SYNE1: variants seen among roughly 807,000 people sequenced by gnomAD.
SYNE1 encodes the protein nesprin-1.
A neutral mutation model predicts 1,111.0 loss-of-function variants in SYNE1; 616 were observed. The observed-to-expected ratio is 0.55, with a 90% CI of 0.52 to 0.59. The LOEUF (loss-of-function observed/expected upper bound fraction) is 0.59. Ranked by LOEUF, SYNE1 falls within the 20% of genes least tolerant of loss-of-function variation. The pLI, the probability that SYNE1 is intolerant of heterozygous loss-of-function variation, is 0.00. For synonymous variants in SYNE1, 3,855 were observed against 3,825.8 expected (o/e 1.01, Z -0.28); for missense variants, 10,006 against 10,417.0 (o/e 0.96, Z 1.72).
At position 152,220,888 on chromosome 6, in the gene SYNE1, T is replaced by C. The variant is rs764715827; in HGVS notation, c.21815A>G (p.Lys7272Arg). 71 of 1,614,026 alleles carry C rather than the reference T, an allele frequency of 4.4e-5. No homozygotes were observed. The highest frequency in any genetic ancestry group is 5.8e-5 in the Non-Finnish European group (68 of 1,179,992). ...GGCAACCTCATCATCGGCAATGTCC[T>C]TGTTTGTGGCTGCCTTCAACAGCTC... is the stretch of plus-strand genomic sequence containing the variant. ...TNELLKAATN[K>R]DIADDEVATW... The change falls in exon 119 of 146, where the codon AAG becomes AGG. Residue 7272 changes from lysine to arginine, a missense_variant. By Grantham distance (26) the Lys-to-Arg change is conservative (BLOSUM62 2). Transcript: ENST00000367255.
intron 126 of SYNE1, among the ~76,000 whole-genome samples, chr6:152,202,380 A>AAAAAAAAAAAAAAGCAAAAAAAG (rs2075677755): frequency 6.7e-6 from 1 of 149,062 alleles, no homozygotes; most frequent in African/African-American, 2.6e-5. Flanking sequence ...GCAAAAAAAA[A>AAAAAAAAAAAAAAGCAAAAAAAG]AAAGAACAAA....
At chr6:152,454,789 T>C (rs1218669224) in intron 24 of SYNE1, among the ~76,000 whole-genome samples, 1 of 152,198 alleles carries the variant, frequency 6.6e-6, no homozygotes, top group Non-Finnish European at 1.5e-5. Context: ...GAATCACAAA[T>C]ACATTGCATA....
At chr6:152,539,682 C>T (rs1381258259) in intron 4 of SYNE1, among the ~76,000 whole-genome samples, 1 of 152,162 alleles carries the variant, frequency 6.6e-6, no homozygotes, top group Admixed American at 6.6e-5. Context: ...ATGACACACA[C>T]ATTAGTATTA....
chr6:152,559,997 T>C (rs997970267), intron 3 of SYNE1, among the ~76,000 whole-genome samples: 6 of 152,062 alleles, frequency 3.9e-5, no homozygotes, highest in Non-Finnish European at 7.4e-5. Flanking sequence ...TATCAACAAA[T>C]TGGATAATCT....
chr6:152,409,799 A>T (rs1420969750), intron 42 of SYNE1, 90 bp from the exon 43 acceptor site: 9 of 1,375,862 alleles, frequency 6.5e-6, no homozygotes, highest in Non-Finnish European at 9.2e-6. Context: ...TTCACTACGT[A>T]AAGGTATTAA....
chr6:152,262,460 T>A (rs187070235), intron 100 of SYNE1, among the ~76,000 whole-genome samples: 101 of 152,302 alleles, frequency 6.6e-4, no homozygotes, highest in African/African-American at 2.4e-3. Context: ...TATAGCACGA[T>A]TACAGACTAG....
rs774251618 is a variant in SYNE1 at position 152,463,516 on chromosome 6, T to A, written c.1934A>T (p.Asp645Val). 6.2e-7 allele frequency: 1 copy of A among 1,611,792 alleles called. No homozygotes were observed. Among genetic ancestry groups the A allele is most frequent in the Non-Finnish European group, 8.5e-7 (1 of 1,178,510 alleles). ...CCAATGAGGTAAATTTCGAAAAAAA[T>A]CCTAAACAATAAATAATGCACAATA... ...MLNQSENAKK[D>V]FFRNLPHWIQ... The change falls in exon 19 of 146, where the codon GAT becomes GTT. Residue 645 changes from aspartate to valine, a missense_variant and splice_region_variant. Transcript: ENST00000367255.
At chr6:152,401,868 T>C (rs1179163132) in intron 46 of SYNE1, among the ~76,000 whole-genome samples, 1 of 152,208 alleles carries the variant, frequency 6.6e-6, no homozygotes, top group Non-Finnish European at 1.5e-5. Context: ...GGCCCCCTAG[T>C]TAGTCAAAGG....
At chr6:152,386,478 A>G (rs566782639) in intron 54 of SYNE1, among the ~76,000 whole-genome samples, 51 of 152,160 alleles carry the variant, frequency 3.4e-4, no homozygotes, top group Non-Finnish European at 5.6e-4. Flanking sequence ...AAGAAGGCAA[A>G]CCAAAGAAAA....
At chr6:152,460,948 G>T (rs2098730160) in intron 21 of SYNE1, among the ~76,000 whole-genome samples, 1 of 151,682 alleles carries the variant, frequency 6.6e-6, no homozygotes, top group Non-Finnish European at 1.5e-5. Flanking sequence ...GAGTAGCTGG[G>T]ATTATAGGTG....
intron 39 of SYNE1, 99 bp from the exon 40 acceptor site, chr6:152,419,821 T>C: frequency 7.9e-7 from 1 of 1,258,248 alleles, no homozygotes; most frequent in Non-Finnish European, 1.1e-6. Context: ...GCAAAAGCAA[T>C]GTTGTCACAC....
intron 7 of SYNE1, 105 bp from the exon 8 acceptor site, chr6:152,510,476 G>T: frequency 7.6e-7 from 1 of 1,307,874 alleles, no homozygotes; most frequent in South Asian, 1.3e-5. Flanking sequence ...TAACACTCTT[G>T]ACATTCCTGA....
At chr6:152,294,467 A>T (rs574305525) in intron 93 of SYNE1, among the ~76,000 whole-genome samples, 3 of 152,234 alleles carry the variant, frequency 2.0e-5, no homozygotes, top group East Asian at 3.8e-4. Context: ...ATAGCAAAAA[A>T]AGAGAATCTT....
At chr6:152,544,893 T>C (rs1396928926) in intron 3 of SYNE1, among the ~76,000 whole-genome samples, 4 of 152,218 alleles carry the variant, frequency 2.6e-5, no homozygotes, top group Non-Finnish European at 4.4e-5. Context: ...ACAAATAATA[T>C]ATTGTCTAGA....
chr6:152,424,246 G>A (rs954349777), intron 39 of SYNE1, among the ~76,000 whole-genome samples: 1 of 152,114 alleles, frequency 6.6e-6, no homozygotes, highest in Non-Finnish European at 1.5e-5. Flanking sequence ...TATTAAAATG[G>A]TTTGTATCCA....
intron 140 of SYNE1, among the ~76,000 whole-genome samples, chr6:152,138,909 C>T (rs1240208656): frequency 2.0e-5 from 3 of 152,160 alleles, no homozygotes; most frequent in South Asian, 2.1e-4. Flanking sequence ...CAAAATCAAA[C>T]GCAAATGCCA....
chr6:152,176,202 T>TTA (rs2153129782), intron 130 of SYNE1, among the ~76,000 whole-genome samples, 192 bp downstream of exon 130: 1 of 152,170 alleles, frequency 6.6e-6, no homozygotes, highest in African/African-American at 2.4e-5. Context: ...AACATGAGAT[T>TTA]TATAAAGTAA....
Position 152,502,723 on chromosome 6 carries a change from T to G in SYNE1, c.798A>C (p.Pro266=). 6.2e-7 allele frequency: 1 copy of G among 1,613,324 alleles called. No homozygotes were observed. The highest frequency in any genetic ancestry group is 8.5e-7 in the Non-Finnish European group (1 of 1,179,392). ...LDPEDVDVDK[P]DEKSIMTYVA... ...CATAGGTCATAATAGATTTCTCATC[T>G]GGTTTATCCACATCAACGTCTGAAA... is the stretch of plus-strand genomic sequence containing the variant. Residue 266 remains proline, a synonymous_variant, in exon 10 of 146, where the codon CCA becomes CCC. Coordinates refer to ENST00000367255, the MANE Select transcript of SYNE1 (RefSeq NM_182961.4).
rs77466932 is a variant in SYNE1, at chr6:152,300,904, G to A, written c.17542-123C>T. ...ACGAAGGTTAAAATTACTGGGACCC[G>A]AATTCACATATTAATCCTGTGTTAG... On this transcript the variant is annotated intron_variant, in intron 92 of 145. Transcript: ENST00000367255. 1.2e-3 allele frequency: 1,600 copies of A among 1,284,320 alleles called. 16 individuals carry two copies. In the African/African-American group the frequency reaches 0.02, roughly 16 times the overall value. 79.6% of individuals were successfully genotyped at this position (1,284,320 alleles called of 1,614,324 possible).
Sources: gnomAD v4.1 joint callset for allele counts (sites outside exome capture counted in the v4.1 genomes callset) on GRCh38, gnomAD v4.1.1 for gene constraint, MANE v1.5 for transcripts, NCBI Gene and HGNC (gene_info 2026-07-23, HGNC 2026-07-21) for gene names.